MACROD2: variants seen among roughly 807,000 people sequenced by gnomAD.
The protein encoded by MACROD2 is ADP-ribose glycohydrolase MACROD2.
A neutral mutation model predicts 70.4 loss-of-function variants in MACROD2; 36 were observed. The observed-to-expected ratio is 0.51, with a 90% CI of 0.39 to 0.68. MACROD2 has a LOEUF of 0.68. Among genes scored for constraint, MACROD2 ranks in the 30% least tolerant of loss-of-function variants. The pLI is 0.00. For synonymous variants in MACROD2, 172 were observed against 178.8 expected (o/e 0.96, Z 0.30); for missense variants, 496 against 538.4 (o/e 0.92, Z 0.78).
intron 15 of MACROD2, among the ~76,000 whole-genome samples, chr20:15,993,413 A>G (rs2066585870): frequency 6.6e-6 from 1 of 152,062 alleles, no homozygotes; most frequent in Non-Finnish European, 1.5e-5. Flanking sequence ...AATACTTACC[A>G]TTGTATTATA....
intron 2 of MACROD2, among the ~76,000 whole-genome samples, chr20:14,075,880 G>T (rs1393714003): frequency 6.6e-6 from 1 of 152,142 alleles, no homozygotes; most frequent in African/African-American, 2.4e-5. Flanking sequence ...ATGGGCTTTG[G>T]AGACATCCTT....
chr20:15,634,025 C>G (rs1421301398), intron 8 of MACROD2, among the ~76,000 whole-genome samples: 1 of 152,180 alleles, frequency 6.6e-6, no homozygotes, highest in Non-Finnish European at 1.5e-5. Context: ...TCATCTTTCC[C>G]CACCTTAGTA....
intron 2 of MACROD2, among the ~76,000 whole-genome samples, chr20:14,066,622 A>G (rs2053760756): frequency 6.6e-6 from 1 of 152,184 alleles, no homozygotes; most frequent in Non-Finnish European, 1.5e-5. Flanking sequence ...CAAAATTTTC[A>G]TGAAACAATT....
intron 6 of MACROD2, among the ~76,000 whole-genome samples, chr20:15,281,639 G>A (rs2077445573): frequency 1.3e-5 from 2 of 152,200 alleles, no homozygotes; most frequent in South Asian, 4.1e-4. Flanking sequence ...CCAAGGCCTT[G>A]GGCAGCTACA....
chr20:14,784,433 C>T (rs1008038129), intron 5 of MACROD2, among the ~76,000 whole-genome samples: 1 of 152,030 alleles, frequency 6.6e-6, no homozygotes, highest in Non-Finnish European at 1.5e-5. Context: ...TAGTTGGTGG[C>T]ACTTCATTTT....
intron 5 of MACROD2, among the ~76,000 whole-genome samples, chr20:14,877,869 G>T (rs1166908880): frequency 1.3e-5 from 2 of 152,038 alleles, no homozygotes. Context: ...GCTGGATTCA[G>T]TTTGCTAGCA....
chr20:14,610,339 G>A (rs1983080804), intron 4 of MACROD2, among the ~76,000 whole-genome samples: 1 of 151,988 alleles, frequency 6.6e-6, no homozygotes, highest in African/African-American at 2.4e-5. Context: ...AAGTAGCATG[G>A]GGATTTTTAC....
At chr20:15,189,100 C>G (rs975111338) in intron 5 of MACROD2, among the ~76,000 whole-genome samples, 4 of 152,078 alleles carry the variant, frequency 2.6e-5, no homozygotes, top group Non-Finnish European at 5.9e-5. Context: ...TATTTCACTT[C>G]TGAGTGAAGG....
chr20:15,579,051 T>C (rs568322295), intron 8 of MACROD2, among the ~76,000 whole-genome samples: 7 of 152,216 alleles, frequency 4.6e-5, no homozygotes, highest in Non-Finnish European at 1.0e-4. Flanking sequence ...GAATTGGTCG[T>C]TCTAAACTCT....
At chr20:15,739,753 A>G (rs1434795992) in intron 8 of MACROD2, among the ~76,000 whole-genome samples, 1 of 152,200 alleles carries the variant, frequency 6.6e-6, no homozygotes, top group African/African-American at 2.4e-5. Flanking sequence ...CAGTAGAAAG[A>G]TTACATGACA....
rs1344630729 is a variant in MACROD2, at chr20:15,124,511, C to T, written c.419-105429C>T. On this transcript the variant is annotated intron_variant, in intron 5 of 17. Transcript: ENST00000684519. ...ATATAGCCAACCAAAATAAAACAGC[C>T]ATGCTGTGTGTTTTATCAAATTACT... 2.1e-5 allele frequency among the ~76,000 whole-genome samples: 3 copies of T among 141,830 alleles called. No homozygotes were observed. The Admixed American group carries it at 2.1e-4, about 10-fold the overall frequency. The allele number at this position is 141,830 out of a possible 152,430, so 93.0% of individuals were successfully genotyped here.
intron 2 of MACROD2, among the ~76,000 whole-genome samples, chr20:14,026,514 C>T (rs1224389247): frequency 6.6e-6 from 1 of 152,164 alleles, no homozygotes; most frequent in Non-Finnish European, 1.5e-5. Context: ...GTGCTTCCTT[C>T]AGGAGTTCTT....
chr20:15,445,144 G>A (rs1371461984), intron 7 of MACROD2, among the ~76,000 whole-genome samples: 5 of 152,120 alleles, frequency 3.3e-5, no homozygotes, highest in African/African-American at 1.2e-4. Context: ...TGTTCTGGAT[G>A]ATACCAGTCA....
intron 8 of MACROD2, among the ~76,000 whole-genome samples, chr20:15,505,298 C>T (rs910455678): frequency 6.6e-6 from 1 of 152,132 alleles, no homozygotes; most frequent in Non-Finnish European, 1.5e-5. Flanking sequence ...TCAGGGAATA[C>T]GGCTTCTAAG....
At chr20:14,334,850 C>T (rs1479795641) in intron 3 of MACROD2, among the ~76,000 whole-genome samples, 2 of 151,092 alleles carry the variant, frequency 1.3e-5, no homozygotes, top group East Asian at 3.9e-4. Flanking sequence ...GGGATCTATT[C>T]AGAATTTTTA....
intron 12 of MACROD2, among the ~76,000 whole-genome samples, chr20:15,959,744 G>A (rs1349566841): frequency 1.3e-5 from 2 of 152,042 alleles, no homozygotes; most frequent in Admixed American, 6.5e-5. Context: ...ATGTTGACCA[G>A]TCTGGTCTTG....
chr20:14,471,837 A>G (rs2084534401), intron 3 of MACROD2, among the ~76,000 whole-genome samples: 1 of 152,202 alleles, frequency 6.6e-6, no homozygotes, highest in Non-Finnish European at 1.5e-5. Flanking sequence ...TAACTTATTA[A>G]TCTTGAAAAT....
At chr20:15,132,055 A>G (rs1022561193) in intron 5 of MACROD2, among the ~76,000 whole-genome samples, 2 of 152,052 alleles carry the variant, frequency 1.3e-5, no homozygotes, top group East Asian at 3.8e-4. Context: ...GCTAACAAAA[A>G]TAAAACTAAA....
At chr20:14,651,179 A>G (rs1432695243) in intron 4 of MACROD2, among the ~76,000 whole-genome samples, 1 of 152,234 alleles carries the variant, frequency 6.6e-6, no homozygotes, top group Non-Finnish European at 1.5e-5. Context: ...TTTCCAAGAC[A>G]GGGACAGCGT....
Sources: gnomAD v4.1 joint callset for allele counts (sites outside exome capture counted in the v4.1 genomes callset) on GRCh38, gnomAD v4.1.1 for gene constraint, MANE v1.5 for transcripts, NCBI Gene and HGNC (gene_info 2026-07-23, HGNC 2026-07-21) for gene names.